Variants in KCNT2 observed in about 807,000 individuals in gnomAD.
The protein encoded by KCNT2 is potassium sodium-activated channel subfamily T member 2.
KCNT2 carries 67 observed loss-of-function variants against 153.8 expected under a neutral mutation model. The observed-to-expected ratio is 0.44, with a 90% CI of 0.36 to 0.53. The LOEUF (loss-of-function observed/expected upper bound fraction) is 0.53. Ranked by LOEUF, KCNT2 falls within the 20% of genes least tolerant of loss-of-function variation. KCNT2 has a pLI of 0.00. For synonymous variants in KCNT2, 500 were observed against 458.8 expected, an observed-to-expected ratio of 1.09 and a Z score of -1.15; for missense variants, 975 against 1,354.8, an observed-to-expected ratio of 0.72 and a Z score of 4.40.
intron 8 of KCNT2, among the ~76,000 whole-genome samples, chr1:196,462,741 T>C (rs2148654753): frequency 6.6e-6 from 1 of 151,886 alleles, no homozygotes; most frequent in East Asian, 1.9e-4. Context: ...AAAAAAGTTG[T>C]TCAAGGGCTC....
At chr1:196,256,330 GA>G (rs1176187643) in intron 26 of KCNT2, among the ~76,000 whole-genome samples, 1 of 151,864 alleles carries the variant, frequency 6.6e-6, no homozygotes, top group African/African-American at 2.4e-5. Context: ...AATCAATCAT[GA>G]AAAAATTAAG....
At chr1:196,514,512 A>G (rs953075574) in intron 1 of KCNT2, among the ~76,000 whole-genome samples, 1 of 152,208 alleles carries the variant, frequency 6.6e-6, no homozygotes, top group South Asian at 2.1e-4. Flanking sequence ...TCTTACTGAT[A>G]CTTTCAGAAT....
chr1:196,252,194 TA>T (rs1229652843), intron 26 of KCNT2, among the ~76,000 whole-genome samples: 3 of 151,876 alleles, frequency 2.0e-5, no homozygotes, highest in Non-Finnish European at 4.4e-5. Flanking sequence ...TATTGGCTAT[TA>T]GTTATATCAT....
chr1:196,356,017 C>T (rs1309495156), intron 14 of KCNT2, among the ~76,000 whole-genome samples: 1 of 151,650 alleles, frequency 6.6e-6, no homozygotes, highest in African/African-American at 2.4e-5. Flanking sequence ...TAGTGAATTT[C>T]CCAGGCAAGA....
chr1:196,585,992 C>T (rs896255707), intron 1 of KCNT2, among the ~76,000 whole-genome samples: 1 of 152,072 alleles, frequency 6.6e-6, no homozygotes, highest in Non-Finnish European at 1.5e-5. Context: ...TGACTCATGT[C>T]TATAATCCCA....
At chr1:196,485,455 A>T (rs1184222249) in intron 3 of KCNT2, among the ~76,000 whole-genome samples, 1 of 152,096 alleles carries the variant, frequency 6.6e-6, no homozygotes, top group Non-Finnish European at 1.5e-5. Context: ...TTTGTAATAC[A>T]ATCAACTTCG....
chr1:196,330,807 T>C (rs936137681), intron 18 of KCNT2, among the ~76,000 whole-genome samples: 1 of 152,018 alleles, frequency 6.6e-6, no homozygotes, highest in African/African-American at 2.4e-5. Context: ...TAATGAGATA[T>C]AAAGTAATAA....
At chr1:196,351,179 T>C (rs966756475) in intron 14 of KCNT2, among the ~76,000 whole-genome samples, 1 of 152,098 alleles carries the variant, frequency 6.6e-6, no homozygotes, top group East Asian at 1.9e-4. Context: ...ATTGACTTGG[T>C]GATGCGGGCT....
At chr1:196,441,280 A>G (rs895917288) in intron 8 of KCNT2, among the ~76,000 whole-genome samples, 1 of 151,682 alleles carries the variant, frequency 6.6e-6, no homozygotes, top group Non-Finnish European at 1.5e-5. Context: ...TTCATGGCAT[A>G]TATCATAGCT....
At chr1:196,436,866 T>C (rs561749664) in intron 8 of KCNT2, among the ~76,000 whole-genome samples, 1 of 148,926 alleles carries the variant, frequency 6.7e-6, no homozygotes, top group South Asian at 2.1e-4. Flanking sequence ...ATTTAAATTA[T>C]ATATTACATT....
intron 1 of KCNT2, among the ~76,000 whole-genome samples, chr1:196,572,573 T>C (rs1660903697): frequency 6.6e-6 from 1 of 152,096 alleles, no homozygotes; most frequent in Non-Finnish European, 1.5e-5. Context: ...TCCTATTCAC[T>C]ATCACCACTT....
At chr1:196,274,197 G>T (rs1008864495) in intron 25 of KCNT2, among the ~76,000 whole-genome samples, 1 of 151,132 alleles carries the variant, frequency 6.6e-6, no homozygotes, top group Non-Finnish European at 1.5e-5. Flanking sequence ...GCTAAGTAGG[G>T]GTTATAAATA....
chr1:196,550,376 A>G (rs982367607), intron 1 of KCNT2, among the ~76,000 whole-genome samples: 2 of 152,024 alleles, frequency 1.3e-5, no homozygotes, highest in East Asian at 3.9e-4. Context: ...CATGTGTAAG[A>G]AAATACACAG....
At chr1:196,416,751 A>G (rs1672787204) in intron 12 of KCNT2, among the ~76,000 whole-genome samples, 1 of 152,036 alleles carries the variant, frequency 6.6e-6, no homozygotes, top group African/African-American at 2.4e-5. Context: ...CATCCCCTCA[A>G]TCATTTATCC....
chr1:196,355,163 C>T lies in KCNT2; in HGVS notation c.1404-12935G>A, dbSNP rs776175375. ...AAGTCTGCAGATAGAACTGACTGTA[C>T]GGATGCAGAATATCTAGAAAGAAAA... On this transcript the variant is annotated intron_variant, in intron 14 of 27. Coordinates refer to ENST00000294725, the MANE Select transcript of KCNT2 (RefSeq NM_198503.5). 4.0e-5 allele frequency among the ~76,000 whole-genome samples: 6 copies of T among 150,784 alleles called. No individual in the cohort carries two copies. In the East Asian group the frequency reaches 5.9e-4, roughly 15 times the overall value.
intron 19 of KCNT2, among the ~76,000 whole-genome samples, chr1:196,325,864 A>G (rs527402752): frequency 2.0e-5 from 3 of 152,144 alleles, no homozygotes; most frequent in African/African-American, 7.2e-5. Context: ...CAACACTATA[A>G]AGTTATAATG....
At chr1:196,547,942 A>G (rs899108602) in intron 1 of KCNT2, among the ~76,000 whole-genome samples, 14 of 151,828 alleles carry the variant, frequency 9.2e-5, no homozygotes, top group Admixed American at 6.6e-5. Context: ...CTAAAATGCA[A>G]TTCTGATCTG....
Position 196,423,120 on chromosome 1 carries a change from A to C in KCNT2, c.1122-7T>G, listed in dbSNP as rs754523850. The C allele has an allele frequency of 6.3e-7, 1 of 1,581,534 alleles. No individual in the cohort carries two copies. Among genetic ancestry groups the C allele is most frequent in the South Asian group, 1.1e-5 (1 of 87,908 alleles). On this transcript the variant is annotated splice_region_variant and splice_polypyrimidine_tract_variant and intron_variant, in intron 11 of 27. Transcript: ENST00000294725. ...GGCCTCAGCGTCATCCATCCTAAAT[A>C]CAGATGGAAAAACAAAATAATCACA...
chr1:196,469,334 T>C (rs1677884536), intron 5 of KCNT2, among the ~76,000 whole-genome samples: 1 of 152,158 alleles, frequency 6.6e-6, no homozygotes. Flanking sequence ...AAGTAATATG[T>C]CATGGAAGAA....
Sources: allele counts gnomAD v4.1 joint callset (sites outside exome capture counted in the v4.1 genomes callset), GRCh38; gene constraint gnomAD v4.1.1; transcripts MANE v1.5; gene names NCBI Gene and HGNC (gene_info 2026-07-23, HGNC 2026-07-21).